The following NOXRED1 variants were observed in gnomAD, a reference collection of about 807,000 sequenced individuals.
NOXRED1 encodes the protein NADP-dependent oxidoreductase domain-containing protein 1.
NOXRED1 carries 20 observed loss-of-function variants against 30.4 expected under a neutral mutation model. The ratio of observed to expected loss-of-function variants is 0.66; its 90% CI spans 0.46 to 0.96. The LOEUF (loss-of-function observed/expected upper bound fraction) is 0.96, where lower values mean the gene tolerates loss of function less well. NOXRED1 is among the 40% of genes least tolerant of loss of function. The pLI, the probability that NOXRED1 is intolerant of heterozygous loss-of-function variation, is 0.00. For missense variants in NOXRED1, 374 were observed against 428.0 expected (o/e 0.87, Z 1.11); for synonymous variants, 155 against 168.0 (o/e 0.92, Z 0.60).
At chr14:77,408,264 T>C (rs1366316762) in intron 2 of NOXRED1, among the ~76,000 whole-genome samples, 1 of 152,162 alleles carries the variant, frequency 6.6e-6, no homozygotes, top group African/African-American at 2.4e-5. Context: ...GGTGTGATCA[T>C]GGCTTACTAT....
chr14:77,397,311 T>C (rs1894213935), intron 5 of NOXRED1, among the ~76,000 whole-genome samples: 1 of 152,254 alleles, frequency 6.6e-6, no homozygotes, highest in Admixed American at 6.5e-5. Flanking sequence ...ATACATATGA[T>C]TCCACTTATA....
At chr14:77,400,302 C>A (rs938375851) in intron 5 of NOXRED1, among the ~76,000 whole-genome samples, 8 of 152,158 alleles carry the variant, frequency 5.3e-5, no homozygotes, top group African/African-American at 1.4e-4. Flanking sequence ...GTGAAGATAA[C>A]TTTAGTTTTT....
chr14:77,412,964 A>G (rs1894702340), intron 2 of NOXRED1, among the ~76,000 whole-genome samples: 2 of 152,072 alleles, frequency 1.3e-5, no homozygotes. Context: ...AGGTAGTTGT[A>G]TCCTTCCTTG....
chr14:77,398,249 G>T (rs1032222653), intron 5 of NOXRED1, among the ~76,000 whole-genome samples: 1 of 152,202 alleles, frequency 6.6e-6, no homozygotes, highest in African/African-American at 2.4e-5. Flanking sequence ...TCACACTTAT[G>T]ATTTTTACCT....
chr14:77,395,636 T>C (rs1182753775), intron 5 of NOXRED1, among the ~76,000 whole-genome samples: 1 of 151,542 alleles, frequency 6.6e-6, no homozygotes, highest in Non-Finnish European at 1.5e-5. Flanking sequence ...ACCTCATCTG[T>C]ACAAATTAAA....
In NOXRED1 at chr14:77,407,545, A is replaced by T; in HGVS notation, c.450T>A (p.Pro150=). 3 of 1,613,896 alleles carry T rather than the reference A, an allele frequency of 1.9e-6. No individual in the cohort carries two copies. The highest frequency in any genetic ancestry group is 2.5e-6 in the Non-Finnish European group (3 of 1,179,724). ...TGGTGTAAATTTCTACGCAGATATT[A>T]GGCAGCTGAGACGGCAAGCAGCAGA... ...IFLCCLPSQL[P]NICVEIYTSL... The change falls in exon 3 of 6, where the codon CCT becomes CCA. Residue 150 remains proline, a synonymous_variant. Coordinates refer to ENST00000380835, the MANE Select transcript of NOXRED1 (RefSeq NM_001113475.3).
intron 1 of NOXRED1, among the ~76,000 whole-genome samples, chr14:77,420,900 G>C (rs1302997456): frequency 6.6e-6 from 1 of 152,158 alleles, no homozygotes; most frequent in Non-Finnish European, 1.5e-5. Context: ...AGTTTTGCCT[G>C]TTTCTATTGC....
rs1566716152 is a variant in NOXRED1, at chr14:77,422,998, G to A, written c.-109C>T. 2 of 861,274 alleles carry A rather than the reference G, an allele frequency of 2.3e-6. No individual in the cohort carries two copies. Among genetic ancestry groups the A allele is most frequent in the African/African-American group, 1.7e-5 (1 of 59,104 alleles). The allele number at this position is 861,274 out of a possible 1,614,324, so 53.4% of individuals were successfully genotyped here. On this transcript the variant is annotated 5_prime_UTR_variant, in exon 1 of 6. Coordinates refer to ENST00000380835, the MANE Select transcript of NOXRED1 (RefSeq NM_001113475.3). Reference sequence around the variant, plus strand: ...GTGTGTATGATGGTGTGTGTGCCCAGGTCACAAGCACTCATGATGATGGGC... The same window carrying A: ...GTGTGTATGATGGTGTGTGTGCCCAAGTCACAAGCACTCATGATGATGGGC...
chr14:77,413,849 CTCT>C (rs1177500306), intron 2 of NOXRED1, 82 bp downstream of exon 2: 9 of 905,412 alleles, frequency 9.9e-6, no homozygotes, highest in Non-Finnish European at 1.5e-5. Context: ...GCAAGGATTC[CTCT>C]TTGGAGGACC....
chr14:77,406,486 G>A, intron 4 of NOXRED1: 1 of 607,922 alleles, frequency 1.6e-6, no homozygotes, highest in African/African-American at 1.9e-5. Context: ...TCCTCCTATT[G>A]AAATAAGCTA....
rs1895045377 is a variant in NOXRED1, at chr14:77,423,097, G to GT, written c.-209dup. 3.9e-6 allele frequency: 2 copies of GT among 508,176 alleles called. No individual in the cohort carries two copies. The highest frequency in any genetic ancestry group is 6.9e-6 in the Non-Finnish European group (2 of 290,226). 31.5% of individuals were successfully genotyped at this position (508,176 alleles called of 1,614,324 possible). Reference sequence around the variant, plus strand: ...TGAATTCACACTCTAGAGTGTGAGTGTTTGAGGATTCCTAATCACTGGCTG... The same window carrying GT: ...TGAATTCACACTCTAGAGTGTGAGTGTTTTGAGGATTCCTAATCACTGGCTG... On this transcript the variant is annotated 5_prime_UTR_variant, in exon 1 of 6. Transcript: ENST00000380835.
At chr14:77,397,785 G>A (rs1394380204) in intron 5 of NOXRED1, among the ~76,000 whole-genome samples, 2 of 151,834 alleles carry the variant, frequency 1.3e-5, no homozygotes, top group East Asian at 1.9e-4. Context: ...AGGAGGCAGA[G>A]GCAGGAGAAT....
At chr14:77,425,681 T>C (rs1398518151), upstream of NOXRED1, among the ~76,000 whole-genome samples, 1 of 152,244 alleles carries the variant, frequency 6.6e-6, no homozygotes, top group Non-Finnish European at 1.5e-5. Context: ...GGATAATCCT[T>C]TGTTGTGGGG....
intron 2 of NOXRED1, among the ~76,000 whole-genome samples, chr14:77,413,671 T>A (rs1894722996): frequency 6.6e-6 from 1 of 152,136 alleles, no homozygotes; most frequent in Non-Finnish European, 1.5e-5. Context: ...ATGGAAAGCT[T>A]CCCTGTATCA....
intron 5 of NOXRED1, among the ~76,000 whole-genome samples, chr14:77,395,259 C>G (rs1894152203): frequency 1.3e-5 from 2 of 151,844 alleles, no homozygotes; most frequent in South Asian, 4.2e-4. Context: ...GCGCCCGCCA[C>G]TACGCCCAGC....
intron 1 of NOXRED1, 54 bp downstream of exon 1, chr14:77,422,681 A>AT (rs1895026987): frequency 6.4e-7 from 1 of 1,558,726 alleles, no homozygotes; most frequent in African/African-American, 1.4e-5. Flanking sequence ...AGACATTTGA[A>AT]TTCTCAGCAG....
chr14:77,408,504 T>C (rs1894545990), intron 2 of NOXRED1, among the ~76,000 whole-genome samples: 4 of 152,102 alleles, frequency 2.6e-5, no homozygotes, highest in Non-Finnish European at 5.9e-5. Flanking sequence ...CCAGACTTTT[T>C]TTTTAGGAAG....
chr14:77,410,727 T>C (rs899817373), intron 2 of NOXRED1, among the ~76,000 whole-genome samples: 1 of 151,918 alleles, frequency 6.6e-6, no homozygotes, highest in Admixed American at 6.6e-5. Flanking sequence ...GACATAGTAA[T>C]AAACCTAAGA....
At chr14:77,400,130 G>A (rs1019544092) in intron 5 of NOXRED1, among the ~76,000 whole-genome samples, 1 of 152,182 alleles carries the variant, frequency 6.6e-6, no homozygotes, top group East Asian at 1.9e-4. Flanking sequence ...TCCTTCTAAA[G>A]TGAAGGAGAA....
Sources: gnomAD v4.1 joint callset for allele counts (sites outside exome capture counted in the v4.1 genomes callset) on GRCh38, gnomAD v4.1.1 for gene constraint, MANE v1.5 for transcripts, NCBI Gene and HGNC (gene_info 2026-07-23, HGNC 2026-07-21) for gene names.